The following RPS6KC1 variants were observed in gnomAD, a reference collection of about 807,000 sequenced individuals.
RPS6KC1 encodes the protein inactive ribosomal protein S6 kinase delta-1.
Under a neutral mutation model 103.8 loss-of-function variants are expected in RPS6KC1, and 54 were observed. The ratio of observed to expected loss-of-function variants is 0.52; its 90% CI spans 0.42 to 0.65. The LOEUF (loss-of-function observed/expected upper bound fraction) is 0.65, where lower values mean the gene tolerates loss of function less well. Among genes scored for constraint, RPS6KC1 ranks in the 30% least tolerant of loss-of-function variants. The pLI is 0.00. For synonymous variants in RPS6KC1, 439 were observed against 438.7 expected, an observed-to-expected ratio of 1.00 and a Z score of -0.01; for missense variants, 1,151 against 1,253.8, an observed-to-expected ratio of 0.92 and a Z score of 1.24.
intron 1 of RPS6KC1, among the ~76,000 whole-genome samples, chr1:213,055,257 C>T (rs2077240467): frequency 6.6e-6 from 1 of 152,048 alleles, no homozygotes; most frequent in African/African-American, 2.4e-5. Flanking sequence ...CACTGGTTTG[C>T]TTTCTGTCAC....
the RPS6KC1 span, among the ~76,000 whole-genome samples, chr1:213,553,673 G>A: frequency 8.9e-4 from 135 of 151,988 alleles, 1 homozygote; most frequent in African/African-American, 3.1e-3. Flanking sequence ...CCTTTTCTCC[G>A]CAACATTGTC....
At chr1:213,278,808 T>G (rs2095117480), downstream of RPS6KC1, among the ~76,000 whole-genome samples, 1 of 152,256 alleles carries the variant, frequency 6.6e-6, no homozygotes, top group African/African-American at 2.4e-5. Flanking sequence ...AAAGGAGAGA[T>G]CTGAGGAGCT....
the RPS6KC1 span, among the ~76,000 whole-genome samples, chr1:213,734,716 A>G: frequency 1.3e-5 from 2 of 152,236 alleles, 1 homozygote; most frequent in Admixed American, 1.3e-4. Context: ...CATTTCAAAT[A>G]GTTTTTTGAG....
chr1:213,694,233 AG>A, the RPS6KC1 span, among the ~76,000 whole-genome samples: 1 of 152,236 alleles, frequency 6.6e-6, no homozygotes, highest in Admixed American at 6.5e-5. Flanking sequence ...CAACTCTGAA[AG>A]GCTTCAAGCT....
the RPS6KC1 span, among the ~76,000 whole-genome samples, chr1:213,384,493 G>A: frequency 2.0e-5 from 3 of 152,116 alleles, no homozygotes; most frequent in Middle Eastern, 3.2e-3. Flanking sequence ...TATGGAGGAG[G>A]TGCAGTGGTC....
chr1:213,152,594 C>T (rs2089309481), intron 6 of RPS6KC1, among the ~76,000 whole-genome samples: 1 of 150,012 alleles, frequency 6.7e-6, no homozygotes, highest in African/African-American at 2.5e-5. Context: ...CTCCTCACAT[C>T]CCAGACGGGG....
At chr1:213,397,517 G>C in the RPS6KC1 span, among the ~76,000 whole-genome samples, 1 of 151,480 alleles carries the variant, frequency 6.6e-6, no homozygotes, top group East Asian at 1.9e-4. Flanking sequence ...TCAGCACCAA[G>C]GGTGGTCCTG....
At chr1:213,728,954 T>G in the RPS6KC1 span, among the ~76,000 whole-genome samples, 4 of 141,140 alleles carry the variant, frequency 2.8e-5, no homozygotes, top group East Asian at 4.0e-4. Flanking sequence ...TTTTGTTTTT[T>G]TTTTTTTTTT....
At chr1:213,081,303 AT>A (rs1193598959) in intron 3 of RPS6KC1, among the ~76,000 whole-genome samples, 4 of 152,176 alleles carry the variant, frequency 2.6e-5, no homozygotes, top group African/African-American at 9.7e-5. Flanking sequence ...GCTTCCACTC[AT>A]GGCAGAAGGG....
At chr1:213,702,706 T>A in the RPS6KC1 span, among the ~76,000 whole-genome samples, 1 of 152,064 alleles carries the variant, frequency 6.6e-6, no homozygotes, top group Non-Finnish European at 1.5e-5. Context: ...TCTTGAAATT[T>A]ATTTTTCTAA....
the RPS6KC1 span, among the ~76,000 whole-genome samples, chr1:213,791,378 T>C: frequency 7.2e-5 from 11 of 152,198 alleles, no homozygotes; most frequent in African/African-American, 2.4e-4. Context: ...ACTCGTTGTA[T>C]TCCAGACACC....
At chr1:213,487,653 T>C in the RPS6KC1 span, among the ~76,000 whole-genome samples, 1 of 152,092 alleles carries the variant, frequency 6.6e-6, no homozygotes, top group Non-Finnish European at 1.5e-5. Flanking sequence ...TCAGGCTGCG[T>C]GGGTTTAAAT....
intron 8 of RPS6KC1, among the ~76,000 whole-genome samples, chr1:213,228,513 G>A (rs184428203): frequency 1.1e-4 from 16 of 151,726 alleles, no homozygotes; most frequent in Admixed American, 2.6e-4. Context: ...TTGAGCGATC[G>A]CAGGAGTTCA....
chr1:213,684,509 C>T, the RPS6KC1 span, among the ~76,000 whole-genome samples: 3 of 152,194 alleles, frequency 2.0e-5, no homozygotes, highest in Non-Finnish European at 4.4e-5. Flanking sequence ...TTGTTTTTGC[C>T]TGCACCTGTC....
At chr1:213,100,012 G>A (rs994290561) in intron 3 of RPS6KC1, among the ~76,000 whole-genome samples, 3 of 152,194 alleles carry the variant, frequency 2.0e-5, no homozygotes, top group Non-Finnish European at 2.9e-5. Flanking sequence ...TAAGATAGGT[G>A]TATGTTTTAT....
chr1:213,328,542 C>A, the RPS6KC1 span, among the ~76,000 whole-genome samples: 537 of 75,078 alleles, frequency 7.2e-3, 3 homozygotes, highest in Non-Finnish European at 0.014. Flanking sequence ...ATATATATAT[C>A]ACACACACAC....
At chr1:213,654,876 G>A in the RPS6KC1 span, among the ~76,000 whole-genome samples, 2 of 152,122 alleles carry the variant, frequency 1.3e-5, no homozygotes, top group African/African-American at 4.8e-5. Context: ...TGATGTTCAC[G>A]TCGACTTCAT....
At chr1:213,703,561 GT>G in the RPS6KC1 span, among the ~76,000 whole-genome samples, 1 of 152,002 alleles carries the variant, frequency 6.6e-6, no homozygotes. Flanking sequence ...CTCAGTTTTT[GT>G]TTGTCTGGAG....
chr1:213,575,600 C>G, the RPS6KC1 span, among the ~76,000 whole-genome samples: 1 of 152,220 alleles, frequency 6.6e-6, no homozygotes, highest in African/African-American at 2.4e-5. Context: ...CCCCTTCTGC[C>G]ATGATTGTAA....
Sources: gnomAD v4.1 joint callset for allele counts (sites outside exome capture counted in the v4.1 genomes callset) on GRCh38, gnomAD v4.1.1 for gene constraint, MANE v1.5 for transcripts, NCBI Gene and HGNC (gene_info 2026-07-23, HGNC 2026-07-21) for gene names.